LARS2: variants seen among roughly 807,000 people sequenced by gnomAD.
The protein encoded by LARS2 is leucyl-tRNA synthetase 2, mitochondrial.
A neutral mutation model predicts 116.6 loss-of-function variants in LARS2; 81 were observed. That is an observed-to-expected ratio of 0.69 (90% CI 0.58 to 0.84). LARS2 has a LOEUF of 0.84. LARS2 is among the 40% of genes least tolerant of loss of function. The pLI, the probability that LARS2 is intolerant of heterozygous loss-of-function variation, is 0.00. For synonymous variants in LARS2, 396 were observed against 407.2 expected (o/e 0.97, Z 0.33); for missense variants, 968 against 1,114.5 (o/e 0.87, Z 1.87).
chr3:45,426,900 T>C (rs1369976221), intron 6 of LARS2, among the ~76,000 whole-genome samples: 1 of 152,182 alleles, frequency 6.6e-6, no homozygotes, highest in African/African-American at 2.4e-5. Context: ...GCTAATAGAA[T>C]AGAATTTCCT....
At chr3:45,432,565 G>C (rs1698736388) in intron 6 of LARS2, among the ~76,000 whole-genome samples, 1 of 151,664 alleles carries the variant, frequency 6.6e-6, no homozygotes, top group Non-Finnish European at 1.5e-5. Context: ...AAAATCACAA[G>C]GGAAATTAAA....
chr3:45,392,154 T>A (rs535970733), intron 2 of LARS2, among the ~76,000 whole-genome samples: 1 of 152,312 alleles, frequency 6.6e-6, no homozygotes. Flanking sequence ...TATATGCAAT[T>A]GCCTTAAGTG....
At chr3:45,424,244 C>G (rs774468149) in intron 6 of LARS2, among the ~76,000 whole-genome samples, 1 of 152,048 alleles carries the variant, frequency 6.6e-6, no homozygotes. Context: ...ATCATAGAGT[C>G]GAAAATACAT....
intron 1 of LARS2, among the ~76,000 whole-genome samples, chr3:45,389,990 G>T (rs888622811): frequency 2.0e-5 from 3 of 152,114 alleles, no homozygotes; most frequent in African/African-American, 7.2e-5. Context: ...TCCCCTTATG[G>T]AATTAGAACC....
At chr3:45,399,988 AAG>A (rs1197127323) in intron 3 of LARS2, among the ~76,000 whole-genome samples, 1 of 152,198 alleles carries the variant, frequency 6.6e-6, no homozygotes, top group Non-Finnish European at 1.5e-5. Flanking sequence ...AAGTTTTTAA[AAG>A]AGAAAAAAAA....
At position 45,485,732 on chromosome 3, in the gene LARS2, G is replaced by A. The variant is rs750969069; in HGVS notation, c.1059G>A (p.Gln353=). ...TPVMAVNMLT[Q]QEVPVVILAK... is the part of the protein sequence containing the mutation. ...TAATGGCTGTGAACATGCTTACCCA[G>A]CAGGAGGTCCCTGTCGTTATTTTGG... The change falls in exon 11 of 22, where the codon CAG becomes CAA. Residue 353 remains glutamine (Q), a synonymous_variant. Coordinates refer to ENST00000645846, the MANE Select transcript of LARS2 (RefSeq NM_015340.4). 25 of 1,611,840 alleles carry A rather than the reference G, an allele frequency of 1.6e-5. 1 individual carries two copies. In the South Asian group the frequency reaches 2.0e-4, roughly 13 times the overall value.
At chr3:45,441,383 C>T (rs1036886392) in intron 6 of LARS2, among the ~76,000 whole-genome samples, 12 of 152,170 alleles carry the variant, frequency 7.9e-5, no homozygotes, top group Non-Finnish European at 2.9e-5. Context: ...CAAGCCCAGC[C>T]GTATGCTTTG....
At chr3:45,418,335 G>T (rs1559462431) in intron 5 of LARS2, among the ~76,000 whole-genome samples, 1 of 152,170 alleles carries the variant, frequency 6.6e-6, no homozygotes. Flanking sequence ...CATTGTAAAA[G>T]CATCTACTGT....
chr3:45,400,367 G>C lies in LARS2; in HGVS notation c.357G>C (p.Gly119=). ...DTIARFQKMR[G]MQVINPMGWD... is the part of the protein sequence containing the mutation. ...TAGCACGGTTCCAGAAGATGAGAGG[G>C]ATGCAGGTAAGAACAGGTGCCTGCT... Residue 119 remains glycine (G), a synonymous_variant, in exon 4 of 22, where the codon GGG becomes GGC. Coordinates refer to ENST00000645846, the MANE Select transcript of LARS2 (RefSeq NM_015340.4). 6.2e-7 allele frequency: 1 copy of C among 1,608,460 alleles called. No individual in the cohort carries two copies. Among genetic ancestry groups the C allele is most frequent in the African/African-American group, 1.3e-5 (1 of 74,872 alleles).
chr3:45,478,269 G>A (rs1699647250), intron 10 of LARS2, among the ~76,000 whole-genome samples: 1 of 152,176 alleles, frequency 6.6e-6, no homozygotes, highest in African/African-American at 2.4e-5. Flanking sequence ...ACTCTCATGA[G>A]CAATTTGATA....
At chr3:45,474,637 A>G (rs986564510) in intron 9 of LARS2, among the ~76,000 whole-genome samples, 1 of 152,254 alleles carries the variant, frequency 6.6e-6, no homozygotes, top group African/African-American at 2.4e-5. Flanking sequence ...ACAGTCTTTG[A>G]AATCTGTGTT....
At chr3:45,454,418 C>T (rs1044626091) in intron 7 of LARS2, among the ~76,000 whole-genome samples, 1 of 128,898 alleles carries the variant, frequency 7.8e-6, no homozygotes, top group East Asian at 2.5e-4. Context: ...TAATGTTTAA[C>T]CCTTTAATAA....
chr3:45,499,025 G>A (rs541680390), intron 14 of LARS2, among the ~76,000 whole-genome samples: 15 of 152,270 alleles, frequency 9.9e-5, no homozygotes, highest in African/African-American at 3.1e-4. Flanking sequence ...GGGGCACAGT[G>A]GCTCACATGT....
chr3:45,496,340 A>G lies in LARS2; in HGVS notation c.1589A>G (p.Tyr530Cys). The G allele has an allele frequency of 3.1e-6, 5 of 1,614,016 alleles. No homozygotes were observed. Among genetic ancestry groups the G allele is most frequent in the Non-Finnish European group, 3.4e-6 (4 of 1,179,918 alleles). The change falls in exon 14 of 22, where the codon TAC becomes TGC. Residue 530 changes from tyrosine (Y) to cysteine (C), a missense_variant. By Grantham distance (194) the Tyr-to-Cys change is radical. Coordinates refer to ENST00000645846, the MANE Select transcript of LARS2 (RefSeq NM_015340.4). Reference sequence around the variant, plus strand: ...ACCTTTGTTGATTCTGCTTGGTACTACTTCAGATACACTGACCCTCATAAT... The same window carrying G: ...ACCTTTGTTGATTCTGCTTGGTACTGCTTCAGATACACTGACCCTCATAAT... ...MDTFVDSAWY[Y>C]FRYTDPHNPH...
chr3:45,440,556 A>G (rs1559470008), intron 6 of LARS2, among the ~76,000 whole-genome samples: 1 of 152,004 alleles, frequency 6.6e-6, no homozygotes, highest in Non-Finnish European at 1.5e-5. Flanking sequence ...GATTGACTTG[A>G]TAAACATGTT....
chr3:45,431,921 A>G (rs1698722882), intron 6 of LARS2, among the ~76,000 whole-genome samples: 1 of 152,172 alleles, frequency 6.6e-6, no homozygotes, highest in Admixed American at 6.5e-5. Context: ...TCTCCAACAG[A>G]CTCATTTTAG....
At chr3:45,423,712 T>C (rs1017889422) in intron 6 of LARS2, among the ~76,000 whole-genome samples, 1 of 152,226 alleles carries the variant, frequency 6.6e-6, no homozygotes, top group African/African-American at 2.4e-5. Context: ...TAAGAAGACC[T>C]TTTAAAGGAC....
At chr3:45,445,840 G>A (rs180863092) in intron 6 of LARS2, among the ~76,000 whole-genome samples, 1 of 152,248 alleles carries the variant, frequency 6.6e-6, no homozygotes, top group East Asian at 1.9e-4. Flanking sequence ...CCAAAGTCCG[G>A]GTTTGAAGCT....
chr3:45,443,643 C>T (rs535558752), intron 6 of LARS2, among the ~76,000 whole-genome samples: 2 of 152,206 alleles, frequency 1.3e-5, no homozygotes, highest in East Asian at 3.9e-4. Context: ...CCAGCCTCCT[C>T]TGGGCAGGTG....
Sources: gnomAD v4.1 joint callset for allele counts (sites outside exome capture counted in the v4.1 genomes callset) on GRCh38, gnomAD v4.1.1 for gene constraint, MANE v1.5 for transcripts, NCBI Gene and HGNC (gene_info 2026-07-23, HGNC 2026-07-21) for gene names.